Variants in TCP1 observed in about 807,000 individuals in gnomAD.
TCP1 encodes the protein T-complex protein 1 subunit alpha.
In TCP1, 6 loss-of-function variants were observed where a neutral mutation model predicts 54.7. The observed-to-expected ratio is 0.11, with a 90% confidence interval of 0.06 to 0.22. The LOEUF (loss-of-function observed/expected upper bound fraction) is 0.22. Among genes scored for constraint, TCP1 ranks in the 10% least tolerant of loss-of-function variants. The probability of loss-of-function intolerance (pLI) is 1.00; values close to 1 mark genes in which losing one functional copy is unlikely to be tolerated. For synonymous variants in TCP1, 225 were observed against 229.7 expected (o/e 0.98, Z 0.19); for missense variants, 511 against 678.2 (o/e 0.75, Z 2.74).
chr6:159,779,542 T>C (rs1780521428), intron 11 of TCP1, 85 bp downstream of exon 11: 2 of 1,490,668 alleles, frequency 1.3e-6, no homozygotes, highest in Non-Finnish European at 1.8e-6. Flanking sequence ...CTGTTACTTA[T>C]GTTTGCTGAC....
chr6:159,784,977 A>C (rs1405698965), intron 5 of TCP1, 130 bp from the exon 6 acceptor site: 2 of 865,662 alleles, frequency 2.3e-6, no homozygotes, highest in Non-Finnish European at 3.7e-6. Flanking sequence ...ATTACTTGTC[A>C]CCAAAATGTT....
rs1477106916 is a variant in TCP1 at position 159,782,364 on chromosome 6, A to G, written c.798-1254T>C. Among the ~76,000 whole-genome samples the G allele has an allele frequency of 3.3e-5, 5 of 152,376 alleles. No individual in the cohort carries two copies. In the South Asian group the frequency reaches 6.2e-4, roughly 19 times the overall value. ...ATATAAACTCATGGTAAAAACTGTA[A>G]TAAGCCCCAGGAAGAAAAAATACAG... On this transcript the variant is annotated intron_variant, in intron 7 of 11. Transcript: ENST00000321394.
intron 3 of TCP1, among the ~76,000 whole-genome samples, chr6:159,786,240 A>C (rs1440742881): frequency 2.0e-5 from 3 of 152,226 alleles, no homozygotes; most frequent in Non-Finnish European, 1.5e-5. Context: ...GCAATTTCTC[A>C]AATACAGTTG....
intron 7 of TCP1, among the ~76,000 whole-genome samples, chr6:159,783,545 A>G (rs1351595331): frequency 1.3e-5 from 2 of 151,942 alleles, no homozygotes; most frequent in South Asian, 2.1e-4. Context: ...TGCCCAGCCT[A>G]AACAATTTAT....
chr6:159,779,469 A>T, intron 11 of TCP1, 158 bp downstream of exon 11: 1 of 1,090,454 alleles, frequency 9.2e-7, no homozygotes, highest in Non-Finnish European at 1.3e-6. Context: ...TTATCCCTTG[A>T]ATTACAGTGA....
Position 159,785,836 on chromosome 6 carries a change from T to A in TCP1, c.377+64A>T, listed in dbSNP as rs935360162. ...TAAAATTTAGTTATTAATCAAAACG[T>A]TAAGACAACACAGTTTACAACTATT... On this transcript the variant is annotated intron_variant, in intron 4 of 11. Coordinates refer to ENST00000321394, the MANE Select transcript of TCP1 (RefSeq NM_030752.3). 3 of 1,277,262 alleles carry A rather than the reference T, an allele frequency of 2.3e-6. No homozygotes were observed. In the Admixed American group the frequency reaches 5.2e-5, roughly 22 times the overall value. 79.1% of individuals were successfully genotyped at this position (1,277,262 alleles called of 1,614,324 possible).
Position 159,785,981 on chromosome 6 carries a change from T to G in TCP1, c.296A>C (p.Glu99Ala), listed in dbSNP as rs1479905596. Residue 99 changes from glutamate to alanine, a missense_variant, in exon 4 of 12, where the codon GAA becomes GCA. Physicochemically the swap from Glu to Ala is moderately radical, Grantham distance 107 (BLOSUM62 -1). This residue lies in a region of TCP1 where 54 missense variants were observed against 111.8 expected (regional missense o/e 0.48). Transcript: ENST00000321394. ...TAATTCATCTGCATTTTTTAGGAGT[T>G]CTGCTGCAATAATAACCTGTTGAGA... ...GTTSVVIIAA[E>A]LLKNADELVK... 1 of 1,613,782 alleles carries G rather than the reference T, an allele frequency of 6.2e-7. No individual in the cohort carries two copies. Among genetic ancestry groups the G allele is most frequent in the Non-Finnish European group, 8.5e-7 (1 of 1,179,864 alleles).
At chr6:159,787,675 T>A in intron 3 of TCP1, 68 bp downstream of exon 3, 1 of 1,574,376 alleles carries the variant, frequency 6.4e-7, no homozygotes, top group Non-Finnish European at 8.6e-7. Context: ...ATGACCCACT[T>A]ATGGCTTCAA....
In TCP1 at chr6:159,784,811, A is replaced by G; in HGVS notation, c.525T>C (p.Ala175=). The change falls in exon 6 of 12, where the codon GCT becomes GCC. Residue 175 remains alanine (A), a synonymous_variant. Coordinates refer to ENST00000321394, the MANE Select transcript of TCP1 (RefSeq NM_030752.3). The part of the protein sequence containing the change: ...GDFFANMVVD[A]VLAIKYTDIR... The stretch of plus-strand genomic sequence containing the variant: ...TGTCTGTGTATTTAATAGCAAGTAC[A>G]GCATCTACTACCATGTTAGCAAAGA... 1 of 1,614,208 alleles carries G rather than the reference A, an allele frequency of 6.2e-7. No homozygotes were observed.
intron 7 of TCP1, among the ~76,000 whole-genome samples, chr6:159,782,797 G>A (rs12525935): frequency 0.011 from 1,738 of 152,240 alleles, 94 homozygotes; most frequent in Admixed American, 0.095. Flanking sequence ...GGGAACAAAG[G>A]GGCTATCCTG....
rs777583666 is a variant in TCP1, at chr6:159,784,808, T to G, written c.528A>C (p.Val176=). ...DFFANMVVDA[V]LAIKYTDIRG... Reference sequence around the variant, plus strand: ...TTATGTCTGTGTATTTAATAGCAAGTACAGCATCTACTACCATGTTAGCAA... The same window carrying G: ...TTATGTCTGTGTATTTAATAGCAAGGACAGCATCTACTACCATGTTAGCAA... Residue 176 remains valine, a synonymous_variant, in exon 6 of 12, where the codon GTA becomes GTC. Coordinates refer to ENST00000321394, the MANE Select transcript of TCP1 (RefSeq NM_030752.3). 2 of 1,614,178 alleles carry G rather than the reference T, an allele frequency of 1.2e-6. No individual in the cohort carries two copies. The highest frequency in any genetic ancestry group is 1.7e-6 in the Non-Finnish European group (2 of 1,180,020).
At chr6:159,780,332 T>C (rs755963387) in intron 9 of TCP1, 111 bp downstream of exon 9, 1 of 1,519,726 alleles carries the variant, frequency 6.6e-7, no homozygotes, top group Admixed American at 1.7e-5. Flanking sequence ...ATCCCATGCG[T>C]ATAACTGCTC....
Position 159,779,272 on chromosome 6 carries a change from GA to G in TCP1, c.1455-12del, listed in dbSNP as rs745620311. The G allele has an allele frequency of 1.9e-6, 3 of 1,608,454 alleles. No individual in the cohort carries two copies. The highest frequency in any genetic ancestry group is 8.5e-7 in the Non-Finnish European group (1 of 1,176,442). The stretch of plus-strand genomic sequence containing the variant: ...AAATCAAGACCAATCCTGCAATTAA[GA>G]AAGAATTATTTAACGGCCGCTTACA... On this transcript the variant is annotated splice_polypyrimidine_tract_variant and intron_variant, in intron 11 of 11. Coordinates refer to ENST00000321394, the MANE Select transcript of TCP1 (RefSeq NM_030752.3).
chr6:159,780,237 T>C, intron 9 of TCP1, 150 bp from the exon 10 acceptor site: 1 of 1,212,070 alleles, frequency 8.3e-7, no homozygotes, highest in South Asian at 1.2e-5. Context: ...TATTTAGATA[T>C]ACTATACAGA....
intron 4 of TCP1, 50 bp from the exon 5 acceptor site, chr6:159,785,546 C>G (rs755064400): frequency 7.2e-7 from 1 of 1,382,448 alleles, no homozygotes; most frequent in Admixed American, 1.7e-5. Context: ...ACTACTCAAA[C>G]TCTTTGCATT....
intron 7 of TCP1, among the ~76,000 whole-genome samples, chr6:159,781,899 C>T (rs1221038146): frequency 6.6e-6 from 1 of 152,200 alleles, no homozygotes; most frequent in Non-Finnish European, 1.5e-5. Flanking sequence ...TATCTCTAAG[C>T]AAGACTAGTA....
intron 3 of TCP1, 70 bp downstream of exon 3, chr6:159,787,673 C>T: frequency 1.3e-6 from 2 of 1,571,940 alleles, no homozygotes; most frequent in Non-Finnish European, 1.7e-6. Context: ...AAATGACCCA[C>T]TTATGGCTTC....
Position 159,779,947 on chromosome 6 carries a change from C to G in TCP1, c.1238G>C (p.Gly413Ala). The G allele has an allele frequency of 6.2e-7, 1 of 1,614,088 alleles. No homozygotes were observed. Among genetic ancestry groups the G allele is most frequent in the Non-Finnish European group, 8.5e-7 (1 of 1,180,024 alleles). ...TATGGAAAGGGCTGCTTCTACAGCA[C>G]CCCCACCGGGAACCACAGATTTTGA... is the stretch of plus-strand genomic sequence containing the variant. ...LESKSVVPGGGAVEAALSIYL... is the reference protein window; with the variant it reads ...LESKSVVPGGAAVEAALSIYL... The change falls in exon 10 of 12, where the codon GGT becomes GCT. Residue 413 changes from glycine to alanine, a missense_variant. This residue lies in a region of TCP1 where 88 missense variants were observed against 153.1 expected (regional missense o/e 0.57). Coordinates refer to ENST00000321394, the MANE Select transcript of TCP1 (RefSeq NM_030752.3).
intron 4 of TCP1, 172 bp downstream of exon 4, chr6:159,785,728 G>GAGAAAAA (rs1190098814): frequency 1.3e-6 from 1 of 785,000 alleles, no homozygotes. Flanking sequence ...GTAGTCAAAT[G>GAGAAAAA]AGAAAAAAGA....
Sources: allele counts gnomAD v4.1 joint callset (sites outside exome capture counted in the v4.1 genomes callset), GRCh38; gene constraint gnomAD v4.1.1; regional missense constraint gnomAD v4.1.1; transcripts MANE v1.5; gene names NCBI Gene and HGNC (gene_info 2026-07-23, HGNC 2026-07-21).